Variants in STS observed in about 807,000 individuals in gnomAD.
STS encodes steroid sulfatase, also known as steryl-sulfatase.
A neutral mutation model predicts 26.8 loss-of-function variants in STS; 7 were observed. The ratio of observed to expected loss-of-function variants is 0.26; its 90% confidence interval spans 0.15 to 0.49. The LOEUF (loss-of-function observed/expected upper bound fraction) is 0.49, where lower values mean the gene tolerates loss of function less well. Ranked by LOEUF, STS falls within the 20% of genes least tolerant of loss-of-function variation. The pLI is 0.98. For missense variants in STS, 434 were observed against 465.6 expected (o/e 0.93, Z 0.63); for synonymous variants, 199 against 189.4 (o/e 1.05, Z -0.42).
chrX:7,305,768 T>C (rs1362344137), intron 8 of STS, among the ~76,000 whole-genome samples: 3 of 111,688 alleles, frequency 2.7e-5, no homozygotes, highest in Non-Finnish European at 5.6e-5. Flanking sequence ...TTCCATAATC[T>C]CATCTCCTTC....
At chrX:7,282,772 C>T (rs1156894066) in intron 7 of STS, among the ~76,000 whole-genome samples, 2 of 112,050 alleles carry the variant, frequency 1.8e-5, no homozygotes, top group Non-Finnish European at 3.8e-5. Context: ...GAAAGTATGG[C>T]GGTCAGGTGC....
chrX:7,349,296 A>G (rs1169052402), intron 10 of STS, among the ~76,000 whole-genome samples: 4 of 74,142 alleles, frequency 5.4e-5, no homozygotes, highest in African/African-American at 2.1e-4. Flanking sequence ...GAGCCGCTGC[A>G]CTCGGCCCTC....
rs560100294 is a variant in STS at position 7,339,655 on chromosome X, T to A, written c.1363+5548T>A. 1.6e-4 allele frequency among the ~76,000 whole-genome samples: 18 copies of A among 111,520 alleles called. No homozygotes were observed. In the South Asian group the frequency reaches 6.4e-3, roughly 39 times the overall value. On this transcript the variant is annotated intron_variant, in intron 10 of 10. Coordinates refer to ENST00000674429, the MANE Select transcript of STS (RefSeq NM_001320752.2). Reference sequence around the variant, plus strand: ...TGCTTTGGAGATCTAGGAAAAGGAGTGATTTATGAGGTTAGAAAAGATTTC... The same window carrying A: ...TGCTTTGGAGATCTAGGAAAAGGAGAGATTTATGAGGTTAGAAAAGATTTC...
At chrX:7,159,113 G>A (rs1374343511) in intron 1 of STS, among the ~76,000 whole-genome samples, 2 of 111,234 alleles carry the variant, frequency 1.8e-5, no homozygotes, top group Non-Finnish European at 3.8e-5. Flanking sequence ...CTCAGATTAG[G>A]CTTTTTTTTT....
At chrX:7,222,945 A>G (rs1399258791) in intron 2 of STS, among the ~76,000 whole-genome samples, 2 of 111,453 alleles carry the variant, frequency 1.8e-5, no homozygotes, top group Admixed American at 9.6e-5. Flanking sequence ...TATTATTCCA[A>G]TTAGTATATC....
chrX:7,241,071 G>A (rs936650798), intron 2 of STS, among the ~76,000 whole-genome samples: 9 of 111,231 alleles, frequency 8.1e-5, no homozygotes, highest in Non-Finnish European at 1.3e-4. Context: ...TCAGACTTTT[G>A]CATGGAAAAA....
intron 1 of STS, among the ~76,000 whole-genome samples, chrX:7,179,441 G>A (rs1343334048): frequency 1.8e-5 from 2 of 111,910 alleles, no homozygotes; most frequent in Non-Finnish European, 3.8e-5. Flanking sequence ...CATAAAAGTG[G>A]TAACTGGCTT....
chrX:7,184,196 T>G (rs758627460), intron 1 of STS, among the ~76,000 whole-genome samples: 1 of 111,959 alleles, frequency 8.9e-6, no homozygotes, highest in Non-Finnish European at 1.9e-5. Context: ...GAAATTCTTC[T>G]CCCTTATTGG....
At chrX:7,231,863 A>G (rs1211309493) in intron 2 of STS, among the ~76,000 whole-genome samples, 1 of 103,401 alleles carries the variant, frequency 9.7e-6, no homozygotes, top group East Asian at 3.0e-4. Flanking sequence ...TTAACCTACA[A>G]CTGTCTTGGT....
At chrX:7,254,476 C>A (rs1304057283) in intron 3 of STS, among the ~76,000 whole-genome samples, 1 of 110,233 alleles carries the variant, frequency 9.1e-6, no homozygotes, top group Non-Finnish European at 1.9e-5. Flanking sequence ...CTATGGAGAG[C>A]TTCATCACAT....
At chrX:7,233,093 T>TTC (rs1922145865) in intron 2 of STS, among the ~76,000 whole-genome samples, 2 of 44,281 alleles carry the variant, frequency 4.5e-5, no homozygotes, top group East Asian at 1.5e-3. Context: ...CTTTTTTTCT[T>TTC]TTTTTTTTTT....
At chrX:7,208,371 A>G (rs1370780457) in intron 2 of STS, among the ~76,000 whole-genome samples, 10 of 112,441 alleles carry the variant, frequency 8.9e-5, no homozygotes, top group African/African-American at 2.9e-4. Context: ...AGAATTTTCT[A>G]TGTGTAATAT....
intron 1 of STS, among the ~76,000 whole-genome samples, chrX:7,170,997 C>G (rs1933456377): frequency 9.0e-6 from 1 of 111,411 alleles, no homozygotes; most frequent in African/African-American, 3.3e-5. Flanking sequence ...TGCCCATCCC[C>G]TGGTACAATG....
chrX:7,323,408 C>T, intron 8 of STS, among the ~76,000 whole-genome samples: 1 of 110,794 alleles, frequency 9.0e-6, no homozygotes, highest in Non-Finnish European at 1.9e-5. Context: ...CCAGTGTCTA[C>T]TGTTGCCAAC....
chrX:7,207,787 G>A (rs933640801), intron 2 of STS, among the ~76,000 whole-genome samples: 13 of 112,444 alleles, frequency 1.2e-4, no homozygotes, highest in African/African-American at 4.2e-4. Context: ...AACTTCACAA[G>A]TAACTGAAGA....
chrX:7,283,880 G>C (rs1924997044), intron 7 of STS, among the ~76,000 whole-genome samples: 1 of 111,090 alleles, frequency 9.0e-6, no homozygotes, highest in South Asian at 3.8e-4. Context: ...TTATATTCCA[G>C]AGGTTGAATC....
chrX:7,289,426 G>A (rs1481336632), intron 7 of STS, among the ~76,000 whole-genome samples: 2 of 111,573 alleles, frequency 1.8e-5, no homozygotes, highest in Non-Finnish European at 3.8e-5. Flanking sequence ...TGGATGAGGA[G>A]CACAAAGCCT....
chrX:7,260,397 C>T (rs1465281526), intron 6 of STS, among the ~76,000 whole-genome samples: 3 of 111,215 alleles, frequency 2.7e-5, no homozygotes, highest in Non-Finnish European at 3.8e-5. Flanking sequence ...AGATATCCCA[C>T]TGGTTTTTTG....
intron 1 of STS, among the ~76,000 whole-genome samples, chrX:7,169,066 A>G (rs1329091778): frequency 9.0e-6 from 1 of 111,382 alleles, no homozygotes; most frequent in Non-Finnish European, 1.9e-5. Flanking sequence ...TTAAACCACC[A>G]TCTGTCTGGT....
Sources: allele counts gnomAD v4.1 joint callset (sites outside exome capture counted in the v4.1 genomes callset), GRCh38; gene constraint gnomAD v4.1.1; transcripts MANE v1.5; gene names NCBI Gene and HGNC (gene_info 2026-07-23, HGNC 2026-07-21).